ATP10B: variants seen among roughly 807,000 people sequenced by gnomAD.
ATP10B encodes ATPase phospholipid transporting 10B (putative), also known as phospholipid-transporting ATPase VB.
Under a neutral mutation model 141.2 loss-of-function variants are expected in ATP10B, and 122 were observed. The observed-to-expected ratio is 0.86, with a 90% CI of 0.75 to 1.00. ATP10B has a LOEUF of 1.00. Among genes scored for constraint, ATP10B ranks in the 50% least tolerant of loss-of-function variants. ATP10B has a pLI of 0.00. For missense variants in ATP10B, 1,876 were observed against 1,825.3 expected (o/e 1.03, Z -0.51); for synonymous variants, 685 against 692.0 (o/e 0.99, Z 0.16).
intron 24 of ATP10B, among the ~76,000 whole-genome samples, chr5:160,583,799 C>T (rs534709993): frequency 2.6e-5 from 4 of 152,282 alleles, no homozygotes; most frequent in South Asian, 2.1e-4. Flanking sequence ...CTGTCCAGTT[C>T]GAATTTCCTG....
chr5:160,801,005 C>A (rs1239517037), intron 1 of ATP10B, among the ~76,000 whole-genome samples: 1 of 152,128 alleles, frequency 6.6e-6, no homozygotes, highest in Non-Finnish European at 1.5e-5. Flanking sequence ...GCTGTAGAAT[C>A]CTTGCCAGCC....
At chr5:160,872,983 T>C in the ATP10B span, among the ~76,000 whole-genome samples, 1 of 152,360 alleles carries the variant, frequency 6.6e-6, no homozygotes, top group Non-Finnish European at 1.5e-5. Flanking sequence ...ATTTTCACAA[T>C]ATTGGTTCTA....
chr5:160,791,082 G>A (rs1771532822), intron 1 of ATP10B, among the ~76,000 whole-genome samples: 2 of 151,396 alleles, frequency 1.3e-5, no homozygotes, highest in South Asian at 2.1e-4. Context: ...AAGGAAATAT[G>A]GGCCTGCAGT....
At chr5:160,632,570 G>T in intron 12 of ATP10B, 3 of 340,906 alleles carry the variant, frequency 8.8e-6, no homozygotes, top group Admixed American at 8.6e-5. Context: ...CTACCTACTA[G>T]TTATGTGACT....
intron 1 of ATP10B, among the ~76,000 whole-genome samples, chr5:160,847,264 T>C (rs1202428685): frequency 6.6e-6 from 1 of 152,238 alleles, no homozygotes; most frequent in Non-Finnish European, 1.5e-5. Flanking sequence ...TCTGGGATTC[T>C]ATAATAGTCA....
chr5:160,761,572 G>T (rs1475072154), intron 2 of ATP10B, among the ~76,000 whole-genome samples: 1 of 152,186 alleles, frequency 6.6e-6, no homozygotes. Context: ...TGGGACAAAA[G>T]AATCTGAACA....
At chr5:160,704,421 G>A (rs919454398) in intron 3 of ATP10B, among the ~76,000 whole-genome samples, 1 of 152,060 alleles carries the variant, frequency 6.6e-6, no homozygotes, top group Admixed American at 6.6e-5. Context: ...TCAACAGCAG[G>A]CCTAAAATAT....
intron 1 of ATP10B, among the ~76,000 whole-genome samples, chr5:160,804,777 T>G (rs1039574243): frequency 2.0e-5 from 3 of 152,210 alleles, no homozygotes; most frequent in Non-Finnish European, 2.9e-5. Flanking sequence ...TATGACTCAC[T>G]TTTCCTTATA....
Position 160,620,444 on chromosome 5 carries a change from C to T in ATP10B, c.2319G>A (p.Met773Ile), listed in dbSNP as rs1469626304. 3 of 1,614,140 alleles carry T rather than the reference C, an allele frequency of 1.9e-6. No individual in the cohort carries two copies. The highest frequency in any genetic ancestry group is 2.5e-6 in the Non-Finnish European group (3 of 1,180,058). The change falls in exon 15 of 26, where the codon ATG becomes ATA. Residue 773 changes from methionine to isoleucine, a missense_variant. Met to Ile is a conservative substitution (Grantham distance 10). Transcript: ENST00000327245. ...TLGFDSVRKR[M>I]SVVVRHPLTG... ...TCAGTGGGTGCCTCACAACCACAGA[C>T]ATTCTCTTCCTGACAGAGTCAAAGC...
intron 11 of ATP10B, among the ~76,000 whole-genome samples, chr5:160,635,406 CT>C (rs1173297397): frequency 6.7e-6 from 1 of 150,162 alleles, no homozygotes; most frequent in African/African-American, 2.4e-5. Flanking sequence ...TCACTTAGGG[CT>C]TCATCAGCCA....
chr5:160,785,432 C>T, intron 2 of ATP10B, 127 bp downstream of exon 2: 8 of 305,670 alleles, frequency 2.6e-5, no homozygotes, highest in East Asian at 9.2e-5. Context: ...TTTTTTTGTT[C>T]TGTTTTGTTT....
intron 7 of ATP10B, among the ~76,000 whole-genome samples, chr5:160,653,866 A>T (rs1281240491): frequency 7.3e-4 from 89 of 122,114 alleles, no homozygotes; most frequent in Middle Eastern, 0.023. Flanking sequence ...AATATATATT[A>T]ATATACGTAT....
At chr5:160,596,242 T>C (rs1308489072) in intron 22 of ATP10B, among the ~76,000 whole-genome samples, 1 of 151,910 alleles carries the variant, frequency 6.6e-6, no homozygotes, top group Non-Finnish European at 1.5e-5. Flanking sequence ...TTCAATATAC[T>C]CATATCAATA....
intron 2 of ATP10B, among the ~76,000 whole-genome samples, chr5:160,736,220 C>A (rs114484953): frequency 2.6e-5 from 4 of 151,884 alleles, no homozygotes; most frequent in Non-Finnish European, 4.4e-5. Context: ...ATGGAAAAAC[C>A]TTTAGCCAGA....
At chr5:160,870,512 A>C in the ATP10B span, among the ~76,000 whole-genome samples, 1 of 152,120 alleles carries the variant, frequency 6.6e-6, no homozygotes, top group Non-Finnish European at 1.5e-5. Flanking sequence ...AAAAACCTCC[A>C]AAACCAAAAA....
rs745482934 is a variant in ATP10B at position 160,615,827 on chromosome 5, T to C, written c.2653+11A>G. On this transcript the variant is annotated intron_variant, in intron 17 of 25. Transcript: ENST00000327245. Reference sequence around the variant, plus strand: ...CCTTTTTTCCTATAATAATGACTTATTTTTAGCTACCAAGTAAGGTGAGTT... The same window carrying C: ...CCTTTTTTCCTATAATAATGACTTACTTTTAGCTACCAAGTAAGGTGAGTT... The C allele has an allele frequency of 1.9e-6, 3 of 1,608,142 alleles. No homozygotes were observed. The highest frequency in any genetic ancestry group is 1.7e-5 in the Admixed American group (1 of 59,878).
At chr5:160,907,086 C>T in the ATP10B span, among the ~76,000 whole-genome samples, 1 of 152,134 alleles carries the variant, frequency 6.6e-6, no homozygotes, top group Non-Finnish European at 1.5e-5. Flanking sequence ...TCAAAATACC[C>T]AGCCTTCAGT....
intron 3 of ATP10B, among the ~76,000 whole-genome samples, chr5:160,692,354 C>A (rs896575033): frequency 6.6e-6 from 1 of 152,106 alleles, no homozygotes; most frequent in African/African-American, 2.4e-5. Flanking sequence ...GTGGCAGACA[C>A]CACCTTACAA....
intron 1 of ATP10B, among the ~76,000 whole-genome samples, chr5:160,821,261 A>C (rs1232515141): frequency 6.6e-6 from 1 of 152,118 alleles, no homozygotes; most frequent in African/African-American, 2.4e-5. Flanking sequence ...AATTCCATTT[A>C]TAATAGCTAG....
Sources: allele counts gnomAD v4.1 joint callset (sites outside exome capture counted in the v4.1 genomes callset), GRCh38; gene constraint gnomAD v4.1.1; transcripts MANE v1.5; gene names NCBI Gene and HGNC (gene_info 2026-07-23, HGNC 2026-07-21).